PGAP1: variants seen among roughly 807,000 people sequenced by gnomAD.
PGAP1 encodes post-GPI attachment to proteins inositol deacylase 1.
In PGAP1, 76 loss-of-function variants were observed where a neutral mutation model predicts 127.0. That is an observed-to-expected ratio of 0.60 (90% confidence interval 0.50 to 0.72). The LOEUF (loss-of-function observed/expected upper bound fraction) is 0.72. PGAP1 is among the 30% of genes least tolerant of loss of function. PGAP1 has a pLI of 0.00. For missense variants in PGAP1, 982 were observed against 1,071.3 expected (o/e 0.92, Z 1.16); for synonymous variants, 362 against 366.5 (o/e 0.99, Z 0.14).
At chr2:196,876,134 G>A (rs1701562776) in intron 13 of PGAP1, among the ~76,000 whole-genome samples, 1 of 152,064 alleles carries the variant, frequency 6.6e-6, no homozygotes, top group South Asian at 2.1e-4. Context: ...AGTAAAGGAT[G>A]GATGAAAGTA....
chr2:196,897,594 C>T (rs1364872708), intron 6 of PGAP1, among the ~76,000 whole-genome samples: 1 of 152,156 alleles, frequency 6.6e-6, no homozygotes, highest in Non-Finnish European at 1.5e-5. Context: ...ATATCAGGGG[C>T]TGCCTATTTC....
At chr2:196,914,128 C>A (rs1264991046) in intron 3 of PGAP1, among the ~76,000 whole-genome samples, 1 of 152,102 alleles carries the variant, frequency 6.6e-6, no homozygotes, top group South Asian at 2.1e-4. Context: ...GAAACCTATC[C>A]CCTTTGACCT....
intron 26 of PGAP1, among the ~76,000 whole-genome samples, chr2:196,841,760 A>G (rs936287534): frequency 2.0e-5 from 3 of 151,898 alleles, no homozygotes; most frequent in Admixed American, 1.3e-4. Flanking sequence ...CTCGTGATCC[A>G]CCCGCCTTGG....
At chr2:196,891,475 C>T (rs1702099099) in intron 9 of PGAP1, among the ~76,000 whole-genome samples, 1 of 152,018 alleles carries the variant, frequency 6.6e-6, no homozygotes, top group South Asian at 2.1e-4. Flanking sequence ...AAATATGGAA[C>T]GATTTTAGTA....
intron 26 of PGAP1, among the ~76,000 whole-genome samples, chr2:196,842,386 A>T (rs1700439035): frequency 6.6e-6 from 1 of 152,160 alleles, no homozygotes; most frequent in Non-Finnish European, 1.5e-5. Flanking sequence ...ATGAACCCTC[A>T]TGTAAGCATT....
intron 20 of PGAP1, among the ~76,000 whole-genome samples, chr2:196,852,703 T>C (rs1264191730): frequency 6.6e-6 from 1 of 152,050 alleles, no homozygotes; most frequent in Non-Finnish European, 1.5e-5. Context: ...GAGAGAGATG[T>C]GAATAAAGTT....
rs145290063 is a variant in PGAP1, at chr2:196,869,224, T to C, written c.1767+1717A>G. Reference sequence around the variant, plus strand: ...TAAACTGAATTATGAGACACAGGAATTATATGGATAAGAGAATATGTTATA... The same window carrying C: ...TAAACTGAATTATGAGACACAGGAACTATATGGATAAGAGAATATGTTATA... On this transcript the variant is annotated intron_variant, in intron 19 of 26. Coordinates refer to ENST00000354764, the MANE Select transcript of PGAP1 (RefSeq NM_024989.4). Among the ~76,000 whole-genome samples, 164 of 152,314 alleles carry C rather than the reference T, an allele frequency of 1.1e-3. No individual in the cohort carries two copies. In the East Asian group the frequency reaches 0.019, roughly 18 times the overall value.
intron 12 of PGAP1, among the ~76,000 whole-genome samples, chr2:196,883,035 C>T (rs1701780058): frequency 6.6e-6 from 1 of 152,136 alleles, no homozygotes. Flanking sequence ...TCCTTCAATA[C>T]CTAGTCTACT....
chr2:196,843,806 C>A (rs746345824), intron 25 of PGAP1, 82 bp downstream of exon 25: 135 of 822,104 alleles, frequency 1.6e-4, no homozygotes, highest in Non-Finnish European at 2.2e-4. Context: ...TTTTCATTAA[C>A]CATTAGGAAT....
At chr2:196,886,389 G>C (rs971960263) in intron 10 of PGAP1, among the ~76,000 whole-genome samples, 8 of 151,896 alleles carry the variant, frequency 5.3e-5, no homozygotes, top group Non-Finnish European at 8.8e-5. Flanking sequence ...TTGAACTCCT[G>C]ACCTCAAGTG....
Position 196,840,336 on chromosome 2 carries a change from C to G in PGAP1, c.*898G>C. Reference sequence around the variant, plus strand: ...CCACAGCAGAAAAAATGGTACAAACCTAGAGTTTCCAACCACTGGAATTTA... The same window carrying G: ...CCACAGCAGAAAAAATGGTACAAACGTAGAGTTTCCAACCACTGGAATTTA... On this transcript the variant is annotated 3_prime_UTR_variant, in exon 27 of 27. Transcript: ENST00000354764. 6.6e-6 allele frequency: 1 copy of G among 151,774 alleles called. No individual in the cohort carries two copies. Among genetic ancestry groups the G allele is most frequent in the African/African-American group, 2.4e-5 (1 of 41,316 alleles). 9.4% of individuals were successfully genotyped at this position (151,774 alleles called of 1,614,324 possible).
chr2:196,871,242 A>C (rs1383687750), intron 18 of PGAP1, among the ~76,000 whole-genome samples: 1 of 152,160 alleles, frequency 6.6e-6, no homozygotes, highest in Non-Finnish European at 1.5e-5. Context: ...TTTACTACCT[A>C]AAATATTTAA....
intron 12 of PGAP1, among the ~76,000 whole-genome samples, chr2:196,881,089 C>T (rs997753918): frequency 6.6e-6 from 1 of 152,146 alleles, no homozygotes; most frequent in Non-Finnish European, 1.5e-5. Context: ...TCTCATCATT[C>T]AGCTCCCACT....
At chr2:196,913,144 G>T in intron 3 of PGAP1, 91 bp from the exon 4 acceptor site, 1 of 1,179,142 alleles carries the variant, frequency 8.5e-7, no homozygotes. Flanking sequence ...AATTTTATAG[G>T]AAAAAGAAAA....
chr2:196,844,271 C>G (rs112392148), intron 24 of PGAP1, among the ~76,000 whole-genome samples, 196 bp from the exon 25 acceptor site: 24 of 152,082 alleles, frequency 1.6e-4, no homozygotes, highest in African/African-American at 5.3e-4. Flanking sequence ...GCTAGTTCTA[C>G]TGCTAAGAAT....
intron 1 of PGAP1, chr2:196,922,054 G>T: frequency 8.0e-6 from 7 of 873,744 alleles, no homozygotes; most frequent in Non-Finnish European, 1.0e-5. Flanking sequence ...TTTATTCTAT[G>T]TAGTTTATTT....
chr2:196,925,359 T>TA lies in PGAP1; in HGVS notation c.147+1110dup, dbSNP rs571627428. ...CAATCAGGACTTGCATCCTTCACCC[T>TA]AAAAAAAAAACTGCTGTGATTTTAA... On this transcript the variant is annotated intron_variant, in intron 1 of 26. Coordinates refer to ENST00000354764, the MANE Select transcript of PGAP1 (RefSeq NM_024989.4). Among the ~76,000 whole-genome samples, 187 of 147,702 alleles carry TA rather than the reference T, an allele frequency of 1.3e-3. 1 individual carries two copies. Among genetic ancestry groups the TA allele is most frequent in the East Asian group, 2.7e-3 (14 of 5,126 alleles).
chr2:196,897,006 T>C, intron 7 of PGAP1, 125 bp downstream of exon 7: 1 of 502,948 alleles, frequency 2.0e-6, no homozygotes, highest in Non-Finnish European at 3.5e-6. Context: ...TAATTAAAAT[T>C]GATATAAGGT....
chr2:196,851,131 C>T (rs1432027660), intron 20 of PGAP1, among the ~76,000 whole-genome samples: 1 of 149,980 alleles, frequency 6.7e-6, no homozygotes, highest in African/African-American at 2.5e-5. Context: ...TTGTCAGAAT[C>T]AAAATGGAGT....
Sources: allele counts gnomAD v4.1 joint callset (sites outside exome capture counted in the v4.1 genomes callset), GRCh38; gene constraint gnomAD v4.1.1; transcripts MANE v1.5; gene names NCBI Gene and HGNC (gene_info 2026-07-23, HGNC 2026-07-21).